SPIRE1: variants seen among roughly 807,000 people sequenced by gnomAD.
The protein encoded by SPIRE1 is protein spire homolog 1.
Under a neutral mutation model 94.1 loss-of-function variants are expected in SPIRE1, and 40 were observed. The ratio of observed to expected loss-of-function variants is 0.43; its 90% confidence interval spans 0.33 to 0.55. The LOEUF is 0.55. Ranked by LOEUF, SPIRE1 falls within the 20% of genes least tolerant of loss-of-function variation. The probability of loss-of-function intolerance (pLI) is 0.06; values close to 1 mark genes in which losing one functional copy is unlikely to be tolerated. For synonymous variants in SPIRE1, 376 were observed against 371.7 expected, an observed-to-expected ratio of 1.01 and a Z score of -0.13; for missense variants, 838 against 975.2, an observed-to-expected ratio of 0.86 and a Z score of 1.87.
chr18:12,469,455 C>T (rs2032251612), intron 10 of SPIRE1, among the ~76,000 whole-genome samples: 1 of 151,068 alleles, frequency 6.6e-6, no homozygotes, highest in South Asian at 2.1e-4. Flanking sequence ...CTTGGCCTCC[C>T]AAAGTGCTGG....
At chr18:12,563,378 T>G (rs916935538) in intron 2 of SPIRE1, among the ~76,000 whole-genome samples, 8 of 152,128 alleles carry the variant, frequency 5.3e-5, no homozygotes, top group African/African-American at 1.9e-4. Flanking sequence ...TGGCCCTTCA[T>G]AGGTGTGATC....
At chr18:12,603,157 G>T (rs1449672124) in intron 2 of SPIRE1, among the ~76,000 whole-genome samples, 1 of 152,098 alleles carries the variant, frequency 6.6e-6, no homozygotes, top group African/African-American at 2.4e-5. Context: ...ATAAAGTGTT[G>T]AACATTTTAT....
chr18:12,504,694 A>G (rs2033774045), intron 6 of SPIRE1, among the ~76,000 whole-genome samples: 2 of 152,232 alleles, frequency 1.3e-5, no homozygotes, highest in African/African-American at 4.8e-5. Context: ...ATAAACAGTG[A>G]AAATAACTAA....
chr18:12,460,081 TCTGCATCCACAC>T (rs2031715899), intron 12 of SPIRE1, among the ~76,000 whole-genome samples: 1 of 152,190 alleles, frequency 6.6e-6, no homozygotes, highest in African/African-American at 2.4e-5. Flanking sequence ...CGTGCGAACA[TCTGCATCCACAC>T]GTATAAATCA....
chr18:12,626,886 A>ATATATATATATATATATTT (rs55915333), intron 2 of SPIRE1, among the ~76,000 whole-genome samples: 28 of 111,892 alleles, frequency 2.5e-4, no homozygotes, highest in Non-Finnish European at 4.3e-4. Context: ...ATATATATAT[A>ATATATATATATATATATTT]TTTTTTTTTT....
In SPIRE1 at chr18:12,650,863, C is replaced by T. The variant is rs868678248; in HGVS notation, c.337+6667G>A. 1.1e-4 allele frequency among the ~76,000 whole-genome samples: 15 copies of T among 140,750 alleles called. No homozygotes were observed. In the South Asian group the frequency reaches 1.8e-3, roughly 17 times the overall value. The allele number at this position is 140,750 out of a possible 152,430, so 92.3% of individuals were successfully genotyped here. Reference sequence around the variant, plus strand: ...CTGCACTACAGCCTGGGTGACAAAGCGAGACCCTGTCTCAAAAAAAAAAAA... The same window carrying T: ...CTGCACTACAGCCTGGGTGACAAAGTGAGACCCTGTCTCAAAAAAAAAAAA... On this transcript the variant is annotated intron_variant, in intron 1 of 16. Transcript: ENST00000409402.
intron 2 of SPIRE1, among the ~76,000 whole-genome samples, chr18:12,554,865 A>C (rs2035454701): frequency 6.6e-6 from 1 of 152,224 alleles, no homozygotes; most frequent in Non-Finnish European, 1.5e-5. Context: ...TCCCAGTCTT[A>C]ACACTTGAAA....
chr18:12,543,371 A>G (rs564038552), intron 3 of SPIRE1, among the ~76,000 whole-genome samples: 1 of 152,062 alleles, frequency 6.6e-6, no homozygotes, highest in South Asian at 2.1e-4. Context: ...TGCAGCCTCA[A>G]CCTCCTGGGC....
intron 2 of SPIRE1, among the ~76,000 whole-genome samples, chr18:12,618,379 C>CGAGA (rs1567970862): frequency 6.6e-6 from 1 of 152,136 alleles, no homozygotes; most frequent in Non-Finnish European, 1.5e-5. Flanking sequence ...AGATTACAGG[C>CGAGA]GAGAGCCACC....
At chr18:12,515,633 C>T (rs190295100) in intron 4 of SPIRE1, among the ~76,000 whole-genome samples, 1 of 152,310 alleles carries the variant, frequency 6.6e-6, no homozygotes, top group Admixed American at 6.5e-5. Flanking sequence ...CGTCCTCTTC[C>T]ACTAGTGGCT....
intron 2 of SPIRE1, among the ~76,000 whole-genome samples, chr18:12,584,355 G>C (rs2144551726): frequency 6.6e-6 from 1 of 151,986 alleles, no homozygotes; most frequent in East Asian, 1.9e-4. Context: ...TCTTGAACCT[G>C]GGAGGCAGAG....
chr18:12,466,291 T>A (rs931385501), intron 10 of SPIRE1, among the ~76,000 whole-genome samples: 23 of 152,080 alleles, frequency 1.5e-4, no homozygotes, highest in Non-Finnish European at 3.2e-4. Context: ...ATATATATAT[T>A]TTTGAGACGG....
intron 4 of SPIRE1, among the ~76,000 whole-genome samples, chr18:12,529,202 T>A (rs1298330422): frequency 6.6e-6 from 1 of 152,108 alleles, no homozygotes; most frequent in Non-Finnish European, 1.5e-5. Context: ...ACCCCGTCTC[T>A]ACTAAAAATA....
intron 1 of SPIRE1, among the ~76,000 whole-genome samples, chr18:12,639,869 TAA>T (rs562155267): frequency 3.5e-5 from 5 of 142,410 alleles, no homozygotes; most frequent in Non-Finnish European, 1.5e-5. Flanking sequence ...ACATTGTCTT[TAA>T]AAAAAAAAAA....
At chr18:12,565,665 C>T (rs568275825) in intron 2 of SPIRE1, among the ~76,000 whole-genome samples, 3 of 151,818 alleles carry the variant, frequency 2.0e-5, no homozygotes, top group Non-Finnish European at 4.4e-5. Context: ...TGAGCCACTG[C>T]GCCCGGCCAA....
At chr18:12,488,247 T>C (rs1304190386) in intron 8 of SPIRE1, among the ~76,000 whole-genome samples, 1 of 152,352 alleles carries the variant, frequency 6.6e-6, no homozygotes, top group Non-Finnish European at 1.5e-5. Flanking sequence ...TATTTTTCCT[T>C]GTAATTTTTT....
chr18:12,622,398 G>A (rs2037497192), intron 2 of SPIRE1, among the ~76,000 whole-genome samples: 2 of 149,284 alleles, frequency 1.3e-5, no homozygotes, highest in Admixed American at 1.3e-4. Flanking sequence ...TTCCCTTGAA[G>A]GGAAAACGGA....
chr18:12,660,320 A>T (rs1345409084), upstream of SPIRE1, among the ~76,000 whole-genome samples: 25 of 142,142 alleles, frequency 1.8e-4, 1 homozygote, highest in South Asian at 2.0e-3. Flanking sequence ...AAAAAGATGC[A>T]TTTTTTTTTT....
intron 2 of SPIRE1, among the ~76,000 whole-genome samples, chr18:12,611,117 T>C (rs969968582): frequency 1.3e-5 from 2 of 152,214 alleles, no homozygotes; most frequent in South Asian, 2.1e-4. Context: ...AAATATGTTA[T>C]TGTTTCCATC....
Sources: allele counts gnomAD v4.1 joint callset (sites outside exome capture counted in the v4.1 genomes callset), GRCh38; gene constraint gnomAD v4.1.1; transcripts MANE v1.5; gene names NCBI Gene and HGNC (gene_info 2026-07-23, HGNC 2026-07-21).